Variants in KDM4C observed in about 807,000 individuals in gnomAD.
The protein encoded by KDM4C is lysine demethylase 4C.
Under a neutral mutation model 129.3 loss-of-function variants are expected in KDM4C, and 81 were observed. The ratio of observed to expected loss-of-function variants is 0.63; its 90% CI spans 0.52 to 0.75. The LOEUF (loss-of-function observed/expected upper bound fraction) is 0.75, where lower values mean the gene tolerates loss of function less well. Ranked by LOEUF, KDM4C falls within the 30% of genes least tolerant of loss-of-function variation. KDM4C has a pLI of 0.00. For synonymous variants in KDM4C, 573 were observed against 456.1 expected (o/e 1.26, Z -3.26); for missense variants, 1,457 against 1,304.0 (o/e 1.12, Z -1.81).
intron 15 of KDM4C, among the ~76,000 whole-genome samples, chr9:7,038,686 A>G (rs1314609607): frequency 1.3e-5 from 2 of 152,092 alleles, no homozygotes; most frequent in African/African-American, 4.8e-5. Flanking sequence ...TTAGATTATA[A>G]GAAGTCAGCC....
At chr9:6,822,500 A>C (rs1340795187) in intron 4 of KDM4C, among the ~76,000 whole-genome samples, 3 of 152,264 alleles carry the variant, frequency 2.0e-5, no homozygotes, top group Non-Finnish European at 4.4e-5. Context: ...AGTTAAAACA[A>C]GATCTTAGAA....
intron 17 of KDM4C, among the ~76,000 whole-genome samples, chr9:7,072,614 A>G (rs1468033579): frequency 2.6e-5 from 4 of 152,146 alleles, no homozygotes; most frequent in Admixed American, 6.5e-5. Context: ...GGCCTTATGC[A>G]TGGGTGGAGT....
At chr9:6,816,927 G>A (rs944501804) in intron 4 of KDM4C, among the ~76,000 whole-genome samples, 40 of 150,948 alleles carry the variant, frequency 2.6e-4, no homozygotes, top group African/African-American at 9.3e-4. Flanking sequence ...TATATCCTGC[G>A]TATGAGGTAG....
intron 1 of KDM4C, among the ~76,000 whole-genome samples, chr9:6,783,401 A>G (rs1379450002): frequency 1.3e-5 from 2 of 152,198 alleles, no homozygotes; most frequent in East Asian, 3.8e-4. Context: ...TATTGTCTCT[A>G]TACAGCTTTA....
At chr9:7,039,228 C>G (rs1828151522) in intron 15 of KDM4C, among the ~76,000 whole-genome samples, 1 of 151,926 alleles carries the variant, frequency 6.6e-6, no homozygotes, top group South Asian at 2.1e-4. Flanking sequence ...AACACACACT[C>G]CATTCAGTTG....
chr9:7,067,075 C>T (rs1168888486), intron 17 of KDM4C, among the ~76,000 whole-genome samples: 3 of 152,174 alleles, frequency 2.0e-5, no homozygotes, highest in African/African-American at 7.2e-5. Context: ...GAACCAGCAA[C>T]ACAAAATCAC....
intron 8 of KDM4C, among the ~76,000 whole-genome samples, chr9:6,930,696 ACATAT>A (rs1250342743): frequency 2.2e-5 from 2 of 90,504 alleles, no homozygotes; most frequent in Non-Finnish European, 4.5e-5. Flanking sequence ...TTAATTATTA[ACATAT>A]CATATGATTA....
intron 4 of KDM4C, among the ~76,000 whole-genome samples, chr9:6,822,018 C>T (rs965919521): frequency 6.6e-6 from 1 of 152,178 alleles, no homozygotes; most frequent in Non-Finnish European, 1.5e-5. Context: ...GGACAGTAAC[C>T]TATGGCAACA....
intron 4 of KDM4C, among the ~76,000 whole-genome samples, chr9:6,820,225 G>T (rs1832786852): frequency 6.6e-6 from 1 of 152,186 alleles, no homozygotes; most frequent in African/African-American, 2.4e-5. Context: ...AGACTTTCTG[G>T]AGTGGGGACG....
At chr9:6,731,324 GCTTTT>G (rs1172236123) in intron 1 of KDM4C, among the ~76,000 whole-genome samples, 2 of 92,946 alleles carry the variant, frequency 2.2e-5, no homozygotes, top group African/African-American at 8.3e-5. Context: ...TTTTTTTTTT[GCTTTT>G]TTTTTTTTTT....
intron 3 of KDM4C, among the ~76,000 whole-genome samples, chr9:6,814,271 AGT>A (rs1275779008): frequency 6.6e-6 from 1 of 152,068 alleles, no homozygotes; most frequent in Non-Finnish European, 1.5e-5. Flanking sequence ...TGTTTCTCTA[AGT>A]GTTATGTCAT....
chr9:7,031,512 A>T (rs1169943893), intron 15 of KDM4C, among the ~76,000 whole-genome samples: 1 of 152,140 alleles, frequency 6.6e-6, no homozygotes, highest in Non-Finnish European at 1.5e-5. Context: ...CTATATCTTG[A>T]TGATCACTTG....
intron 17 of KDM4C, among the ~76,000 whole-genome samples, chr9:7,051,080 G>C (rs1023826641): frequency 6.6e-6 from 1 of 152,164 alleles, no homozygotes; most frequent in African/African-American, 2.4e-5. Flanking sequence ...TGTAAACTGA[G>C]ATCTGTGAAA....
At chr9:7,050,823 A>C (rs1036847984) in intron 17 of KDM4C, among the ~76,000 whole-genome samples, 1 of 152,194 alleles carries the variant, frequency 6.6e-6, no homozygotes, top group Non-Finnish European at 1.5e-5. Context: ...AACAGCAGGG[A>C]AGGGCAGCAG....
intron 12 of KDM4C, among the ~76,000 whole-genome samples, chr9:6,995,243 A>T (rs150383911): frequency 1.0e-3 from 159 of 152,242 alleles, no homozygotes; most frequent in African/African-American, 3.7e-3. Context: ...AGTGAACTTA[A>T]ATTTCCTGAT....
intron 15 of KDM4C, among the ~76,000 whole-genome samples, chr9:7,031,361 G>A (rs186970765): frequency 2.0e-5 from 3 of 151,786 alleles, no homozygotes; most frequent in Non-Finnish European, 4.4e-5. Flanking sequence ...GGGTTTCACC[G>A]TGTTGGCCAG....
At chr9:7,074,920 A>C (rs1294134036) in intron 17 of KDM4C, among the ~76,000 whole-genome samples, 2 of 152,344 alleles carry the variant, frequency 1.3e-5, no homozygotes, top group Admixed American at 6.5e-5. Context: ...TTAGGAGTTT[A>C]CAAAGGTCTC....
intron 2 of KDM4C, among the ~76,000 whole-genome samples, chr9:6,794,035 A>T (rs1316373936): frequency 6.6e-6 from 1 of 152,158 alleles, no homozygotes; most frequent in South Asian, 2.1e-4. Flanking sequence ...GTCATTCTCC[A>T]TTCCCTGCTA....
chr9:6,742,029 G>A lies in KDM4C; in HGVS notation c.49+21032G>A, dbSNP rs772352936. On this transcript the variant is annotated intron_variant, in intron 1 of 17. Coordinates refer to the KDM4C transcript ENST00000536108. The stretch of plus-strand genomic sequence containing the variant: ...GCTCTGTCACCCAGGCTGAAGTGCA[G>A]TGGAGTGATCTCGGCTCACTGCAAC... Among the ~76,000 whole-genome samples, 124 of 151,842 alleles carry A rather than the reference G, an allele frequency of 8.2e-4. 1 individual carries two copies. The highest frequency in any genetic ancestry group is 2.2e-4 in the Non-Finnish European group (15 of 68,018).
Sources: gnomAD v4.1 joint callset for allele counts (sites outside exome capture counted in the v4.1 genomes callset) on GRCh38, gnomAD v4.1.1 for gene constraint, MANE v1.5 for transcripts, NCBI Gene and HGNC (gene_info 2026-07-23, HGNC 2026-07-21) for gene names.